The following ATP6V1H variants were observed in gnomAD, a reference collection of about 807,000 sequenced individuals.
The protein encoded by ATP6V1H is ATPase H+ transporting V1 subunit H, also known as V-type proton ATPase subunit H.
A neutral mutation model predicts 71.7 loss-of-function variants in ATP6V1H; 39 were observed. That is an observed-to-expected ratio of 0.54 (90% confidence interval 0.42 to 0.71). The LOEUF is 0.71. Ranked by LOEUF, ATP6V1H falls within the 30% of genes least tolerant of loss-of-function variation. The pLI, the probability that ATP6V1H is intolerant of heterozygous loss-of-function variation, is 0.00. For missense variants in ATP6V1H, 509 were observed against 594.9 expected, an observed-to-expected ratio of 0.86 and a Z score of 1.50; for synonymous variants, 192 against 199.3, an observed-to-expected ratio of 0.96 and a Z score of 0.31.
chr8:53,721,577 C>T (rs890776722), intron 13 of ATP6V1H, among the ~76,000 whole-genome samples: 2 of 152,102 alleles, frequency 1.3e-5, no homozygotes, highest in Admixed American at 6.5e-5. Context: ...TTTATAGATA[C>T]GTAACTCGAG....
intron 9 of ATP6V1H, among the ~76,000 whole-genome samples, chr8:53,794,276 C>A (rs1809657980): frequency 6.6e-6 from 1 of 152,182 alleles, no homozygotes; most frequent in African/African-American, 2.4e-5. Flanking sequence ...TCTGTGCTTG[C>A]AAACATCTGA....
In ATP6V1H at chr8:53,756,567, G is replaced by A; in HGVS notation, c.1265C>T (p.Pro422Leu). Residue 422 changes from proline (P) to leucine (L), a missense_variant, in exon 12 of 14, where the codon CCA becomes CTA. Around this residue, in one of 2 missense-constraint regions of ATP6V1H, gnomAD observed 212 missense variants for 291.6 expected, o/e 0.73. Transcript: ENST00000359530. ...HDVGEYVRHYPRGKRVIEQLG... is the reference protein window; with the variant it reads ...HDVGEYVRHYLRGKRVIEQLG... ...GGCTTTCTCTTACCGTTTGCCTCGTGGATAATGCCGCACATATTCTCCAAC... is the reference window on the plus strand; with the variant it reads ...GGCTTTCTCTTACCGTTTGCCTCGTAGATAATGCCGCACATATTCTCCAAC... The A allele has an allele frequency of 1.9e-6, 3 of 1,613,408 alleles. No homozygotes were observed. The highest frequency in any genetic ancestry group is 2.5e-6 in the Non-Finnish European group (3 of 1,179,488).
intron 11 of ATP6V1H, among the ~76,000 whole-genome samples, chr8:53,761,215 T>G (rs1808262057): frequency 6.6e-6 from 1 of 151,926 alleles, no homozygotes; most frequent in South Asian, 2.1e-4. Context: ...CAGGCACCTG[T>G]AGTCCCAGGT....
chr8:53,756,611 T>G lies in ATP6V1H; in HGVS notation c.1221A>C (p.Leu407Phe). Residue 407 changes from leucine (L) to phenylalanine (F), a missense_variant, in exon 12 of 14, where the codon TTA (leucine) becomes TTC (phenylalanine). Around this residue, in one of 2 missense-constraint regions of ATP6V1H, gnomAD observed 212 missense variants for 291.6 expected, o/e 0.73. Coordinates refer to ENST00000359530, the MANE Select transcript of ATP6V1H (RefSeq NM_015941.4). ...CTCCAACATCGTGAGCAGCAACAGCTAAGACTTGGGGATCATCTGACACTT... is the reference window on the plus strand; with the variant it reads ...CTCCAACATCGTGAGCAGCAACAGCGAAGACTTGGGGATCATCTGACACTT... ...LLEVSDDPQV[L>F]AVAAHDVGEY... 3 of 1,614,170 alleles carry G rather than the reference T, an allele frequency of 1.9e-6. No individual in the cohort carries two copies. The highest frequency in any genetic ancestry group is 2.5e-6 in the Non-Finnish European group (3 of 1,180,000).
intron 8 of ATP6V1H, among the ~76,000 whole-genome samples, chr8:53,800,019 A>G (rs1456136295): frequency 6.6e-6 from 1 of 152,188 alleles, no homozygotes; most frequent in Admixed American, 6.5e-5. Context: ...GGAGTCTGAA[A>G]TTTTGGTGTG....
At chr8:53,744,757 T>A (rs1807542364) in intron 12 of ATP6V1H, among the ~76,000 whole-genome samples, 1 of 152,190 alleles carries the variant, frequency 6.6e-6, no homozygotes, top group South Asian at 2.1e-4. Context: ...GTAACTATCA[T>A]CAAACATTAA....
intron 13 of ATP6V1H, among the ~76,000 whole-genome samples, chr8:53,732,726 G>A (rs1461504049): frequency 6.6e-6 from 1 of 150,460 alleles, no homozygotes; most frequent in Non-Finnish European, 1.5e-5. Context: ...ATTAAAAGAA[G>A]AAATCCCAGA....
chr8:53,731,282 G>C (rs990930753), intron 13 of ATP6V1H, among the ~76,000 whole-genome samples: 2 of 152,076 alleles, frequency 1.3e-5, no homozygotes, highest in Non-Finnish European at 2.9e-5. Flanking sequence ...CAGCTCTCAC[G>C]ATAAGGAAGG....
intron 11 of ATP6V1H, among the ~76,000 whole-genome samples, chr8:53,765,325 G>A (rs912426007): frequency 1.3e-5 from 2 of 151,280 alleles, no homozygotes; most frequent in East Asian, 1.9e-4. Flanking sequence ...TCTTGCACCC[G>A]GGAGGCGGAG....
At chr8:53,783,432 T>C (rs1445730425) in intron 9 of ATP6V1H, among the ~76,000 whole-genome samples, 1 of 152,216 alleles carries the variant, frequency 6.6e-6, no homozygotes, top group African/African-American at 2.4e-5. Flanking sequence ...TTCTTCTCTC[T>C]TTTCTTCTTT....
chr8:53,839,081 C>T (rs963062714), intron 2 of ATP6V1H, among the ~76,000 whole-genome samples: 2 of 152,140 alleles, frequency 1.3e-5, no homozygotes, highest in African/African-American at 4.8e-5. Flanking sequence ...GAACAAAAGA[C>T]AGATATATAG....
intron 4 of ATP6V1H, among the ~76,000 whole-genome samples, chr8:53,828,779 C>G (rs545640624): frequency 1.3e-5 from 2 of 152,170 alleles, no homozygotes; most frequent in African/African-American, 2.4e-5. Context: ...TAGAACAACC[C>G]TCCCTAAACA....
intron 9 of ATP6V1H, among the ~76,000 whole-genome samples, chr8:53,783,935 A>G (rs1809264820): frequency 6.6e-6 from 1 of 152,158 alleles, no homozygotes; most frequent in Admixed American, 6.5e-5. Flanking sequence ...GTTCTCTTAC[A>G]TTTGCTAAGG....
intron 11 of ATP6V1H, among the ~76,000 whole-genome samples, chr8:53,757,369 C>T (rs532454400): frequency 6.6e-6 from 1 of 152,118 alleles, no homozygotes; most frequent in Non-Finnish European, 1.5e-5. Context: ...TGTGCATGTG[C>T]CCTTGGGAGT....
intron 9 of ATP6V1H, among the ~76,000 whole-genome samples, chr8:53,791,379 C>T (rs1809560523): frequency 6.6e-6 from 1 of 152,156 alleles, no homozygotes; most frequent in African/African-American, 2.4e-5. Context: ...ATGTTGGCCC[C>T]ACTAGTTCTA....
rs35308799 is a variant in ATP6V1H, at chr8:53,821,068, G to GA, written c.307-3539dup. On this transcript the variant is annotated intron_variant, in intron 4 of 13. Transcript: ENST00000359530. Reference sequence around the variant, plus strand: ...AAAACAAACAAACTGCATCTCACCAGAAAAAAAAAAAAGAGAGAGAGGCCA... The same window carrying GA: ...AAAACAAACAAACTGCATCTCACCAGAAAAAAAAAAAAAGAGAGAGAGGCCA... Among the ~76,000 whole-genome samples the GA allele has an allele frequency of 3.0e-3, 363 of 123,028 alleles. 1 individual carries two copies. Among genetic ancestry groups the GA allele is most frequent in the Non-Finnish European group, 4.6e-3 (260 of 56,550 alleles). 80.7% of individuals were successfully genotyped at this position (123,028 alleles called of 152,430 possible). A position where few individuals can be genotyped will look rare whatever the true frequency, so the allele number is the denominator to read the frequency against.
At chr8:53,810,333 C>T (rs886200126) in intron 7 of ATP6V1H, among the ~76,000 whole-genome samples, 2 of 152,172 alleles carry the variant, frequency 1.3e-5, no homozygotes, top group Non-Finnish European at 2.9e-5. Flanking sequence ...CAAAGTTCAG[C>T]CATTCCCAAA....
intron 12 of ATP6V1H, among the ~76,000 whole-genome samples, chr8:53,751,964 G>A (rs1010945754): frequency 3.9e-5 from 6 of 152,064 alleles, no homozygotes; most frequent in South Asian, 2.1e-4. Flanking sequence ...CACTGTGCCC[G>A]GCCAATAAAG....
chr8:53,805,180 A>C (rs1810041292), intron 7 of ATP6V1H, among the ~76,000 whole-genome samples: 2 of 152,246 alleles, frequency 1.3e-5, no homozygotes, highest in African/African-American at 4.8e-5. Context: ...AAAAGAATAA[A>C]GACCGTATTC....
Sources: allele counts gnomAD v4.1 joint callset (sites outside exome capture counted in the v4.1 genomes callset), GRCh38; gene constraint gnomAD v4.1.1; regional missense constraint gnomAD v4.1.1; transcripts MANE v1.5; gene names NCBI Gene and HGNC (gene_info 2026-07-23, HGNC 2026-07-21).